KLHL32: variants seen among roughly 807,000 people sequenced by gnomAD.
KLHL32 encodes the protein kelch like family member 32.
KLHL32 carries 35 observed loss-of-function variants against 64.8 expected under a neutral mutation model. That is an observed-to-expected ratio of 0.54 (90% CI 0.41 to 0.72). The LOEUF (loss-of-function observed/expected upper bound fraction) is 0.72. Ranked by LOEUF, KLHL32 falls within the 30% of genes least tolerant of loss-of-function variation. The pLI, the probability that KLHL32 is intolerant of heterozygous loss-of-function variation, is 0.00. For synonymous variants in KLHL32, 259 were observed against 281.0 expected (o/e 0.92, Z 0.78); for missense variants, 589 against 768.5 (o/e 0.77, Z 2.76).
intron 4 of KLHL32, among the ~76,000 whole-genome samples, chr6:97,056,484 C>T (rs919247804): frequency 1.3e-4 from 20 of 152,198 alleles, no homozygotes; most frequent in East Asian, 1.9e-4. Context: ...CCAGCCTTCC[C>T]GTCACTCCTT....
chr6:97,071,658 C>T (rs909042665), intron 5 of KLHL32, among the ~76,000 whole-genome samples: 1 of 152,124 alleles, frequency 6.6e-6, no homozygotes, highest in African/African-American at 2.4e-5. Flanking sequence ...GTTAAGGGAC[C>T]ATCATCTTTC....
intron 3 of KLHL32, among the ~76,000 whole-genome samples, chr6:97,002,336 G>A (rs1354517697): frequency 6.6e-6 from 1 of 151,840 alleles, no homozygotes; most frequent in Non-Finnish European, 1.5e-5. Context: ...CTTGCTTCTG[G>A]GAATCCCTAG....
At chr6:97,099,875 T>TA (rs11307696) in intron 6 of KLHL32, among the ~76,000 whole-genome samples, 1,877 of 146,510 alleles carry the variant, frequency 0.013, 17 homozygotes, top group South Asian at 0.028. Context: ...CTATTTGGGT[T>TA]AAAAAAAAAA....
chr6:97,051,596 A>G (rs371855665), intron 4 of KLHL32, among the ~76,000 whole-genome samples: 3 of 152,284 alleles, frequency 2.0e-5, no homozygotes, highest in East Asian at 1.9e-4. Context: ...TTACTTTGCC[A>G]TGGTGGGTAA....
At chr6:97,096,522 A>G (rs1173457068) in intron 6 of KLHL32, among the ~76,000 whole-genome samples, 1 of 152,266 alleles carries the variant, frequency 6.6e-6, no homozygotes, top group Non-Finnish European at 1.5e-5. Flanking sequence ...AAGCAGCTGT[A>G]TAGATGCAGC....
chr6:97,136,717 C>G (rs878931462), intron 10 of KLHL32, among the ~76,000 whole-genome samples: 1 of 152,186 alleles, frequency 6.6e-6, no homozygotes, highest in Admixed American at 6.5e-5. Context: ...CACACTCTCC[C>G]AAACGCCTTC....
intron 3 of KLHL32, among the ~76,000 whole-genome samples, chr6:96,981,007 C>CG (rs113310280): frequency 5.6e-5 from 5 of 89,114 alleles, no homozygotes; most frequent in Non-Finnish European, 9.0e-5. Context: ...AGTGGTGGGG[C>CG]GGGGGGGCAG....
chr6:96,956,722 G>GA (rs112384004), intron 1 of KLHL32, among the ~76,000 whole-genome samples: 3,463 of 152,126 alleles, frequency 0.023, 141 homozygotes, highest in African/African-American at 0.08. Flanking sequence ...TTTCTTCTGG[G>GA]AAAAAAGCTC....
intron 3 of KLHL32, among the ~76,000 whole-genome samples, chr6:96,996,653 G>T (rs921689372): frequency 6.6e-6 from 1 of 151,950 alleles, no homozygotes; most frequent in African/African-American, 2.4e-5. Context: ...GGTATTTTGG[G>T]CTCTAACCTT....
At chr6:96,901,991 G>A in the KLHL32 span, among the ~76,000 whole-genome samples, 1 of 152,170 alleles carries the variant, frequency 6.6e-6, no homozygotes, top group Non-Finnish European at 1.5e-5. Context: ...TTGATGGACA[G>A]TTAGGTTGAT....
intron 2 of KLHL32, among the ~76,000 whole-genome samples, chr6:96,967,616 A>G (rs1304445125): frequency 6.6e-6 from 1 of 152,170 alleles, no homozygotes; most frequent in Non-Finnish European, 1.5e-5. Context: ...TATTTAATAG[A>G]TATTAATTAA....
At chr6:97,103,526 C>T (rs940752439) in intron 6 of KLHL32, among the ~76,000 whole-genome samples, 1 of 152,146 alleles carries the variant, frequency 6.6e-6, no homozygotes, top group African/African-American at 2.4e-5. Flanking sequence ...TTCTGGGATT[C>T]TAACCAATAT....
At chr6:97,079,116 A>C (rs1562313139) in intron 5 of KLHL32, among the ~76,000 whole-genome samples, 1 of 152,250 alleles carries the variant, frequency 6.6e-6, no homozygotes, top group Non-Finnish European at 1.5e-5. Context: ...AGTAGAATAC[A>C]AGTGAGTCTG....
Position 97,057,308 on chromosome 6 carries a change from T to C in KLHL32, c.313-7320T>C, listed in dbSNP as rs567311763. ...ACGCCATTCTCCTGCCTCAGCCTCC[T>C]GTGTAGCTGGGACTACAGGCACGCG... On this transcript the variant is annotated intron_variant, in intron 4 of 10. Transcript: ENST00000369261. Among the ~76,000 whole-genome samples the C allele has an allele frequency of 6.6e-5, 8 of 121,936 alleles. No individual in the cohort carries two copies. The East Asian group carries it at 1.4e-3, about 22-fold the overall frequency. The allele number at this position is 121,936 out of a possible 152,430, so 80.0% of individuals were successfully genotyped here.
intron 1 of KLHL32, among the ~76,000 whole-genome samples, chr6:96,959,296 A>G (rs1773629248): frequency 1.3e-5 from 2 of 152,166 alleles, no homozygotes; most frequent in Non-Finnish European, 2.9e-5. Context: ...GGCCCGGGAC[A>G]GCTTCTGAGC....
chr6:97,074,617 A>C (rs1026026714), intron 5 of KLHL32, among the ~76,000 whole-genome samples: 43 of 150,036 alleles, frequency 2.9e-4, no homozygotes, highest in Non-Finnish European at 5.3e-4. Context: ...AAAAAAAAAC[A>C]AAAAAACTAC....
intron 3 of KLHL32, among the ~76,000 whole-genome samples, chr6:97,009,239 T>C (rs1780059976): frequency 6.6e-6 from 1 of 151,798 alleles, no homozygotes; most frequent in South Asian, 2.1e-4. Flanking sequence ...AATTTTGGTT[T>C]ATAAACCAAA....
At chr6:96,911,759 G>T in the KLHL32 span, among the ~76,000 whole-genome samples, 1 of 142,908 alleles carries the variant, frequency 7.0e-6, no homozygotes, top group South Asian at 2.4e-4. Context: ...AGCAGTATTT[G>T]ACAAAATTGG....
intron 3 of KLHL32, among the ~76,000 whole-genome samples, chr6:97,001,554 A>G (rs542637821): frequency 2.0e-5 from 3 of 152,152 alleles, no homozygotes; most frequent in African/African-American, 7.2e-5. Flanking sequence ...CAAAGCCTCA[A>G]TCTCCCAGAC....
Sources: gnomAD v4.1 joint callset for allele counts (sites outside exome capture counted in the v4.1 genomes callset) on GRCh38, gnomAD v4.1.1 for gene constraint, MANE v1.5 for transcripts, NCBI Gene and HGNC (gene_info 2026-07-23, HGNC 2026-07-21) for gene names.